Variants in HDAC4 observed in about 807,000 individuals in gnomAD.
The protein encoded by HDAC4 is histone deacetylase A.
HDAC4 carries 16 observed loss-of-function variants against 135.1 expected under a neutral mutation model. That is an observed-to-expected ratio of 0.12 (90% CI 0.08 to 0.18). The LOEUF is 0.18. HDAC4 is among the 10% of genes least tolerant of loss of function. The pLI, the probability that HDAC4 is intolerant of heterozygous loss-of-function variation, is 1.00. For synonymous variants in HDAC4, 685 were observed against 653.4 expected (o/e 1.05, Z -0.74); for missense variants, 1,143 against 1,511.8 (o/e 0.76, Z 4.05).
chr2:239,071,891 G>C (rs2034239911), intron 22 of HDAC4, among the ~76,000 whole-genome samples: 2 of 152,260 alleles, frequency 1.3e-5, no homozygotes, highest in South Asian at 4.2e-4. Flanking sequence ...TGTTGCTTCT[G>C]CTGTTAATTG....
chr2:239,110,018 C>T (rs77043336), intron 14 of HDAC4, among the ~76,000 whole-genome samples: 19,525 of 152,218 alleles, frequency 0.13, 1,488 homozygotes, highest in East Asian at 0.29. Flanking sequence ...GCTAAAGGAA[C>T]GCACTGCGTC....
At chr2:239,257,203 T>C (rs1283185626) in intron 2 of HDAC4, among the ~76,000 whole-genome samples, 2 of 151,592 alleles carry the variant, frequency 1.3e-5, no homozygotes, top group Non-Finnish European at 2.9e-5. Flanking sequence ...TGAATATCGA[T>C]ATTTAATAAA....
chr2:239,278,831 C>T (rs1461836936), intron 2 of HDAC4, among the ~76,000 whole-genome samples: 1 of 152,160 alleles, frequency 6.6e-6, no homozygotes, highest in African/African-American at 2.4e-5. Context: ...AACATGAGGA[C>T]CATTGGGGCC....
intron 2 of HDAC4, among the ~76,000 whole-genome samples, chr2:239,300,928 T>G (rs2052214694): frequency 6.6e-6 from 1 of 152,232 alleles, no homozygotes; most frequent in Non-Finnish European, 1.5e-5. Flanking sequence ...GGGGTCCATG[T>G]GGGACCCCTC....
chr2:239,380,048 C>T (rs183018015), intron 1 of HDAC4, among the ~76,000 whole-genome samples: 6 of 152,112 alleles, frequency 3.9e-5, no homozygotes, highest in East Asian at 3.9e-4. Flanking sequence ...GCTGGGAGGG[C>T]GTGCACGAAA....
At chr2:239,133,801 T>C (rs1043673311) in intron 11 of HDAC4, among the ~76,000 whole-genome samples, 2 of 152,220 alleles carry the variant, frequency 1.3e-5, no homozygotes, top group Non-Finnish European at 2.9e-5. Context: ...CACTTTCACA[T>C]TGCTGTTGCT....
rs531832341 is a variant in HDAC4 at position 239,275,571 on chromosome 2, G to A, written c.23-38907C>T. Among the ~76,000 whole-genome samples the A allele has an allele frequency of 2.0e-5, 3 of 152,300 alleles. No homozygotes were observed. In the East Asian group the frequency reaches 5.8e-4, roughly 29 times the overall value. Reference sequence around the variant, plus strand: ...ACAGGCAGCAATGCAGGGCCGCCACGAGGGGGACACACATGGAAGAACAGC... The same window carrying A: ...ACAGGCAGCAATGCAGGGCCGCCACAAGGGGGACACACATGGAAGAACAGC... On this transcript the variant is annotated intron_variant, in intron 2 of 26. Transcript: ENST00000543185.
At chr2:239,143,627 C>G (rs2041553913) in intron 8 of HDAC4, among the ~76,000 whole-genome samples, 1 of 152,224 alleles carries the variant, frequency 6.6e-6, no homozygotes, top group Non-Finnish European at 1.5e-5. Context: ...AGAGAGGGGA[C>G]AGGGCACGAG....
rs1191795723 is a variant in HDAC4, at chr2:239,336,961, GT to G, written c.22+15716del. ...GGTGACAGTTTCTCAAAGGATGCTT[GT>G]TTCTGATGACCTTGGCATATCGAGT... On this transcript the variant is annotated intron_variant, in intron 2 of 26. Transcript: ENST00000543185. Among the ~76,000 whole-genome samples the G allele has an allele frequency of 3.9e-5, 6 of 152,330 alleles. No homozygotes were observed. The East Asian group carries it at 1.2e-3, about 29-fold the overall frequency.
At chr2:239,310,226 A>G (rs1253727778) in intron 2 of HDAC4, among the ~76,000 whole-genome samples, 1 of 152,204 alleles carries the variant, frequency 6.6e-6, no homozygotes. Flanking sequence ...GCCAAAGCCA[A>G]CGTGATTAGT....
intron 4 of HDAC4, among the ~76,000 whole-genome samples, chr2:239,183,763 C>T (rs575895289): frequency 3.3e-5 from 5 of 152,326 alleles, no homozygotes; most frequent in South Asian, 2.1e-4. Flanking sequence ...ATCAGGCATT[C>T]GGCACAGCTC....
chr2:239,322,097 C>T (rs929636711), intron 2 of HDAC4, among the ~76,000 whole-genome samples: 3 of 152,174 alleles, frequency 2.0e-5, no homozygotes, highest in African/African-American at 7.2e-5. Flanking sequence ...ACTGGTTACA[C>T]CCTATGTAAA....
intron 1 of HDAC4, among the ~76,000 whole-genome samples, chr2:239,383,961 T>A (rs992961619): frequency 6.6e-6 from 1 of 152,194 alleles, no homozygotes; most frequent in Non-Finnish European, 1.5e-5. Flanking sequence ...AGAGCTGCCA[T>A]CGCTGGCACC....
At chr2:239,161,898 T>A (rs1018321131) in intron 6 of HDAC4, 1 of 363,292 alleles carries the variant, frequency 2.8e-6, no homozygotes, top group African/African-American at 2.1e-5. Flanking sequence ...GGCCACTTCT[T>A]CTCCCGTGGC....
At chr2:239,315,623 A>G (rs943630710) in intron 2 of HDAC4, among the ~76,000 whole-genome samples, 1 of 152,196 alleles carries the variant, frequency 6.6e-6, no homozygotes, top group African/African-American at 2.4e-5. Context: ...ACTCCAGGGC[A>G]GGATAAAGGT....
At position 239,160,104 on chromosome 2, in the gene HDAC4, C is replaced by A. The variant is rs755170264; in HGVS notation, c.612-3331G>T. The stretch of plus-strand genomic sequence containing the variant: ...AACCACATACGCCAGGATACTCCAG[C>A]AGAAATGTACCATGATGGGAGCCAC... On this transcript the variant is annotated intron_variant, in intron 6 of 26. Coordinates refer to ENST00000543185, the MANE Select transcript of HDAC4 (RefSeq NM_001378414.1). Among the ~76,000 whole-genome samples, 6 of 152,354 alleles carry A rather than the reference C, an allele frequency of 3.9e-5. No individual in the cohort carries two copies. In the Middle Eastern group the frequency reaches 0.01, roughly 259 times the overall value.
intron 2 of HDAC4, among the ~76,000 whole-genome samples, chr2:239,314,541 A>G (rs2053035465): frequency 6.6e-6 from 1 of 152,256 alleles, no homozygotes; most frequent in Non-Finnish European, 1.5e-5. Context: ...GTTATTATTA[A>G]TAACTATCAG....
At chr2:239,086,149 C>T (rs2035926303) in intron 19 of HDAC4, among the ~76,000 whole-genome samples, 1 of 46,402 alleles carries the variant, frequency 2.2e-5, no homozygotes, top group Non-Finnish European at 4.0e-5. Context: ...CTATCTCGCA[C>T]GTACAGTCTC....
At chr2:239,368,245 T>C (rs975415232) in intron 1 of HDAC4, among the ~76,000 whole-genome samples, 1 of 152,018 alleles carries the variant, frequency 6.6e-6, no homozygotes, top group Non-Finnish European at 1.5e-5. Context: ...CCAACCCTCT[T>C]CCTTCGGAGA....
Sources: allele counts gnomAD v4.1 joint callset (sites outside exome capture counted in the v4.1 genomes callset), GRCh38; gene constraint gnomAD v4.1.1; transcripts MANE v1.5; gene names NCBI Gene and HGNC (gene_info 2026-07-23, HGNC 2026-07-21).